UGGT2: variants seen among roughly 807,000 people sequenced by gnomAD.
UGGT2 encodes the protein UDP-glucose:glycoprotein glucosyltransferase 2.
In UGGT2, 180 loss-of-function variants were observed where a neutral mutation model predicts 192.1. The ratio of observed to expected loss-of-function variants is 0.94; its 90% CI spans 0.83 to 1.06. The LOEUF (loss-of-function observed/expected upper bound fraction) is 1.06, where lower values mean the gene tolerates loss of function less well. Ranked by LOEUF, UGGT2 falls within the 50% of genes least tolerant of loss-of-function variation. UGGT2 has a pLI of 0.00. For synonymous variants in UGGT2, 580 were observed against 591.0 expected (o/e 0.98, Z 0.27); for missense variants, 1,849 against 1,795.7 (o/e 1.03, Z -0.54).
intron 8 of UGGT2, chr13:95,989,607 CA>C: frequency 2.8e-6 from 1 of 359,768 alleles, no homozygotes; most frequent in Non-Finnish European, 5.8e-6. Flanking sequence ...ATCTAAATTT[CA>C]AAAAGAAGAA....
chr13:95,877,600 C>A, intron 28 of UGGT2, 98 bp downstream of exon 28: 2 of 1,371,098 alleles, frequency 1.5e-6, no homozygotes, highest in South Asian at 3.3e-5. Context: ...GCAAACTGTT[C>A]AGCAACAGCA....
intron 2 of UGGT2, among the ~76,000 whole-genome samples, chr13:96,030,619 T>C (rs891118830): frequency 6.6e-6 from 1 of 152,240 alleles, no homozygotes. Flanking sequence ...AAACTTAGTT[T>C]ATCTTACATT....
chr13:95,822,014 CTTTTT>C (rs1371144971), intron 38 of UGGT2, among the ~76,000 whole-genome samples: 1 of 151,942 alleles, frequency 6.6e-6, no homozygotes, highest in East Asian at 1.9e-4. Flanking sequence ...CAGATTTGTT[CTTTTT>C]GTTTAGGATT....
chr13:95,861,529 A>G (rs986663622), intron 31 of UGGT2, among the ~76,000 whole-genome samples: 3 of 152,044 alleles, frequency 2.0e-5, no homozygotes, highest in Admixed American at 6.6e-5. Context: ...ACATTTTTGG[A>G]GCTAGACCAA....
chr13:95,863,720 T>G lies in UGGT2; in HGVS notation c.3559-6A>C, dbSNP rs372653748. 1.2e-6 allele frequency: 2 copies of G among 1,607,434 alleles called. No homozygotes were observed. Among genetic ancestry groups the G allele is most frequent in the Non-Finnish European group, 1.7e-6 (2 of 1,174,630 alleles). On this transcript the variant is annotated splice_polypyrimidine_tract_variant and splice_region_variant and intron_variant, in intron 30 of 38. Transcript: ENST00000376747. ...TTGTCTGTTTCTTTTTTCACCTAGATAGCATGGCAAAAAAGATTAGAATTT... is the reference window on the plus strand; with the variant it reads ...TTGTCTGTTTCTTTTTTCACCTAGAGAGCATGGCAAAAAAGATTAGAATTT...
intron 1 of UGGT2, among the ~76,000 whole-genome samples, chr13:96,047,166 GCCT>G (rs2053339664): frequency 6.6e-6 from 1 of 152,218 alleles, no homozygotes; most frequent in African/African-American, 2.4e-5. Flanking sequence ...CAGACAGACT[GCCT>G]CCTCAAGTGG....
intron 31 of UGGT2, chr13:95,863,368 C>G (rs558034298): frequency 1.0e-5 from 3 of 298,206 alleles, no homozygotes; most frequent in African/African-American, 6.4e-5. Context: ...TTGCCACACA[C>G]TTCTTCAAGG....
At chr13:95,989,219 A>G (rs1215311135) in intron 8 of UGGT2, among the ~76,000 whole-genome samples, 2 of 152,134 alleles carry the variant, frequency 1.3e-5, no homozygotes, top group Non-Finnish European at 2.9e-5. Context: ...ATTAGTATGA[A>G]TAGTATTATT....
At chr13:96,041,344 G>A (rs1196243264) in intron 1 of UGGT2, among the ~76,000 whole-genome samples, 1 of 152,160 alleles carries the variant, frequency 6.6e-6, no homozygotes, top group African/African-American at 2.4e-5. Context: ...AAAGCCCTGT[G>A]GGCTCTCTGG....
chr13:95,953,938 G>A (rs939515689), intron 12 of UGGT2, among the ~76,000 whole-genome samples: 9 of 152,146 alleles, frequency 5.9e-5, no homozygotes, highest in South Asian at 2.1e-4. Context: ...GTTTGTGAGA[G>A]TCCCTAAGCA....
intron 2 of UGGT2, among the ~76,000 whole-genome samples, chr13:96,025,776 T>C (rs751373590): frequency 3.3e-5 from 5 of 151,952 alleles, no homozygotes; most frequent in Non-Finnish European, 7.4e-5. Flanking sequence ...GAGGGAGATA[T>C]GAGAAGTTTC....
chr13:95,916,575 C>T (rs949338395), intron 20 of UGGT2, among the ~76,000 whole-genome samples: 4 of 152,140 alleles, frequency 2.6e-5, no homozygotes, highest in Non-Finnish European at 4.4e-5. Context: ...TGGAAGTAGG[C>T]TTCAAAAGGT....
chr13:95,907,853 G>A (rs1465677016), intron 20 of UGGT2, among the ~76,000 whole-genome samples: 3 of 152,172 alleles, frequency 2.0e-5, no homozygotes, highest in African/African-American at 4.8e-5. Flanking sequence ...CCAAAGGATC[G>A]CAGCTCCTCG....
chr13:96,023,469 T>C (rs1342451202), intron 3 of UGGT2, among the ~76,000 whole-genome samples, 160 bp downstream of exon 3: 1 of 152,142 alleles, frequency 6.6e-6, no homozygotes, highest in Non-Finnish European at 1.5e-5. Flanking sequence ...TTCAATTACA[T>C]TATAATAAAT....
At chr13:95,996,450 C>A (rs904039187) in intron 6 of UGGT2, among the ~76,000 whole-genome samples, 1 of 150,548 alleles carries the variant, frequency 6.6e-6, no homozygotes, top group Non-Finnish European at 1.5e-5. Flanking sequence ...GGACTGAGAT[C>A]GTGCCACTGC....
chr13:95,893,448 A>G (rs1456741128), intron 24 of UGGT2, among the ~76,000 whole-genome samples: 1 of 152,178 alleles, frequency 6.6e-6, no homozygotes, highest in East Asian at 1.9e-4. Context: ...AGATATAACT[A>G]TGGAAGTAAT....
chr13:95,863,664 A>C lies in UGGT2; in HGVS notation c.3609T>G (p.Asp1203Glu). The change falls in exon 31 of 39, where the codon GAT becomes GAG. Residue 1203 changes from aspartate to glutamate, a missense_variant. Physicochemically the swap from Asp to Glu is conservative, Grantham distance 45. Transcript: ENST00000376747. ...AATCCCACAGTCCTTTTGTTTTTTC[A>C]TCTTCATCGGTAAGGATATCTTCCT... ...KIKEDILTDE[D>E]EKTKGLWDSI... 1 of 1,612,536 alleles carries C rather than the reference A, an allele frequency of 6.2e-7. No individual in the cohort carries two copies. The highest frequency in any genetic ancestry group is 8.5e-7 in the Non-Finnish European group (1 of 1,179,044).
chr13:95,815,793 G>C (rs1884818173), intron 38 of UGGT2, among the ~76,000 whole-genome samples: 1 of 152,168 alleles, frequency 6.6e-6, no homozygotes, highest in Non-Finnish European at 1.5e-5. Flanking sequence ...GATATGGTTT[G>C]GATCTGTGTC....
At chr13:95,936,468 C>A (rs1021462870) in intron 17 of UGGT2, among the ~76,000 whole-genome samples, 3 of 152,214 alleles carry the variant, frequency 2.0e-5, no homozygotes, top group Non-Finnish European at 4.4e-5. Flanking sequence ...GGCCTCCCTG[C>A]TCAGACATGG....
Sources: allele counts gnomAD v4.1 joint callset (sites outside exome capture counted in the v4.1 genomes callset), GRCh38; gene constraint gnomAD v4.1.1; transcripts MANE v1.5; gene names NCBI Gene and HGNC (gene_info 2026-07-23, HGNC 2026-07-21).